Variants in DNTT observed in about 807,000 individuals in gnomAD.
DNTT encodes the protein nucleosidetriphosphate:DNA deoxynucleotidylexotransferase.
A neutral mutation model predicts 60.9 loss-of-function variants in DNTT; 47 were observed. The ratio of observed to expected loss-of-function variants is 0.77; its 90% CI spans 0.61 to 0.98. DNTT has a LOEUF of 0.98. Ranked by LOEUF, DNTT falls within the 50% of genes least tolerant of loss-of-function variation. The pLI is 0.00. For synonymous variants in DNTT, 224 were observed against 221.2 expected, an observed-to-expected ratio of 1.01 and a Z score of -0.11; for missense variants, 665 against 627.5, an observed-to-expected ratio of 1.06 and a Z score of -0.64.
At chr10:96,304,920 A>C (rs1274587716) in intron 1 of DNTT, among the ~76,000 whole-genome samples, 1 of 152,192 alleles carries the variant, frequency 6.6e-6, no homozygotes, top group Non-Finnish European at 1.5e-5. Flanking sequence ...AAGATGAGAT[A>C]AATTTTTTGT....
chr10:96,318,442 A>T lies in DNTT; in HGVS notation c.294A>T (p.Gln98His), dbSNP rs1465370594. ...CACAGAAAGTACAAGTCAGCTCACA[A>T]CCAGAGCTCCTCGATGTCTCCTGGC... ...LQAQKVQVSS[Q>H]PELLDVSWLI... The change falls in exon 2 of 11, where the codon CAA (glutamine) becomes CAT (histidine). Residue 98 changes from glutamine (Q) to histidine (H), a missense_variant. Coordinates refer to ENST00000371174, the MANE Select transcript of DNTT (RefSeq NM_004088.4). 4 of 1,613,970 alleles carry T rather than the reference A, an allele frequency of 2.5e-6. No individual in the cohort carries two copies. Among genetic ancestry groups the T allele is most frequent in the Non-Finnish European group, 3.4e-6 (4 of 1,179,870 alleles).
chr10:96,310,510 C>T (rs548767654), intron 1 of DNTT, among the ~76,000 whole-genome samples: 2 of 152,230 alleles, frequency 1.3e-5, no homozygotes, highest in Admixed American at 1.3e-4. Flanking sequence ...TTCCCTACCA[C>T]CTTGAGTGCC....
intron 10 of DNTT, among the ~76,000 whole-genome samples, chr10:96,336,612 CA>C (rs1360587414): frequency 6.6e-6 from 1 of 152,076 alleles, no homozygotes; most frequent in Non-Finnish European, 1.5e-5. Flanking sequence ...TCAAGGACAC[CA>C]AAATAGGCTC....
intron 1 of DNTT, among the ~76,000 whole-genome samples, chr10:96,314,678 C>T (rs1844767238): frequency 6.6e-6 from 1 of 151,964 alleles, no homozygotes; most frequent in Admixed American, 6.6e-5. Flanking sequence ...TCCCAAAGTG[C>T]TGGGATTACA....
intron 1 of DNTT, among the ~76,000 whole-genome samples, chr10:96,308,620 A>G (rs1382404361): frequency 6.6e-6 from 1 of 152,240 alleles, no homozygotes; most frequent in Admixed American, 6.5e-5. Flanking sequence ...AGAGACCACC[A>G]AACAGGCATT....
At chr10:96,321,570 T>C (rs1381159520) in intron 4 of DNTT, among the ~76,000 whole-genome samples, 1 of 152,172 alleles carries the variant, frequency 6.6e-6, no homozygotes, top group Non-Finnish European at 1.5e-5. Flanking sequence ...TAATGGAAGC[T>C]GCTGATTACC....
intron 1 of DNTT, among the ~76,000 whole-genome samples, chr10:96,308,821 A>C (rs1844673887): frequency 6.6e-6 from 1 of 152,238 alleles, no homozygotes. Flanking sequence ...GGAGAATTAC[A>C]AAGAACCTTC....
chr10:96,338,251 A>G lies in DNTT; in HGVS notation c.*27A>G, dbSNP rs1198960982. The G allele has an allele frequency of 6.3e-7, 1 of 1,591,272 alleles. No homozygotes were observed. The highest frequency in any genetic ancestry group is 1.1e-5 in the South Asian group (1 of 87,244). On this transcript the variant is annotated 3_prime_UTR_variant, in exon 11 of 11. Transcript: ENST00000371174. ...AAAGTGTTGTCAACATTTTTTTCCT[A>G]TTCTTTTCAAGTTAAATAAATTATG... is the stretch of plus-strand genomic sequence containing the variant.
chr10:96,320,839 G>T lies in DNTT; in HGVS notation c.678+51G>T, dbSNP rs778733587. ...ACTTCCCAATAGGTAGGTGGGAACG[G>T]GGGAGAGAGGGATGTAGCTAACAGA... is the stretch of plus-strand genomic sequence containing the variant. On this transcript the variant is annotated intron_variant, in intron 4 of 10. Transcript: ENST00000371174. 4 of 1,599,526 alleles carry T rather than the reference G, an allele frequency of 2.5e-6. No homozygotes were observed. The East Asian group carries it at 6.7e-5, about 27-fold the overall frequency.
intron 8 of DNTT, among the ~76,000 whole-genome samples, chr10:96,329,851 G>A (rs1564874391): frequency 6.6e-6 from 1 of 152,136 alleles, no homozygotes; most frequent in Non-Finnish European, 1.5e-5. Context: ...AATTTGGACG[G>A]AGCCTTCCTG....
Position 96,318,536 on chromosome 10 carries a change from A to C in DNTT, c.378+10A>C. ...AAAACACCAGCTTGTTGTAAGTGTC[A>C]TGGGTGTGATTTTCACTGTTCTTTG... On this transcript the variant is annotated intron_variant, in intron 2 of 10. Coordinates refer to ENST00000371174, the MANE Select transcript of DNTT (RefSeq NM_004088.4). The C allele has an allele frequency of 6.2e-7, 1 of 1,611,864 alleles. No homozygotes were observed. Among genetic ancestry groups the C allele is most frequent in the Middle Eastern group, 1.7e-4 (1 of 6,048 alleles).
At chr10:96,329,701 C>A (rs911292732) in intron 8 of DNTT, among the ~76,000 whole-genome samples, 1 of 152,202 alleles carries the variant, frequency 6.6e-6, no homozygotes, top group Non-Finnish European at 1.5e-5. Flanking sequence ...CAGATCCAAA[C>A]TGACACGAGT....
Position 96,319,314 on chromosome 10 carries a change from C to T in DNTT, c.431C>T (p.Pro144Leu), listed in dbSNP as rs762908031. The T allele has an allele frequency of 1.4e-5, 22 of 1,613,762 alleles. No homozygotes were observed. The highest frequency in any genetic ancestry group is 2.2e-5 in the East Asian group (1 of 44,888). ...STNPGPPKTP[P>L]IAVQKISQYA... ...AACCCAGGCCCCCCGAAGACTCCACCAATTGCTGTACAAAAGATCTCCCAG... is the reference window on the plus strand; with the variant it reads ...AACCCAGGCCCCCCGAAGACTCCACTAATTGCTGTACAAAAGATCTCCCAG... The change falls in exon 3 of 11, where the codon CCA becomes CTA. Residue 144 changes from proline (P) to leucine (L), a missense_variant. Coordinates refer to ENST00000371174, the MANE Select transcript of DNTT (RefSeq NM_004088.4).
intron 5 of DNTT, among the ~76,000 whole-genome samples, chr10:96,323,206 T>C (rs1844901272): frequency 6.6e-6 from 1 of 152,022 alleles, no homozygotes; most frequent in Non-Finnish European, 1.5e-5. Flanking sequence ...GATTGAGACA[T>C]GAGAATCACT....
In DNTT at chr10:96,336,940, G is replaced by GAAAA. The variant is rs71034371; in HGVS notation, c.1443+981_1443+984dup. Among the ~76,000 whole-genome samples, 132 of 129,928 alleles carry GAAAA rather than the reference G, an allele frequency of 1.0e-3. 3 individuals carry two copies. The highest frequency in any genetic ancestry group is 4.2e-3 in the East Asian group (18 of 4,284). The allele number at this position is 129,928 out of a possible 152,430, so 85.2% of individuals were successfully genotyped here. A position where few individuals can be genotyped will look rare whatever the true frequency, so the allele number is the denominator to read the frequency against. ...GCAACAGAGTGAGACTCTGTGTCAG[G>GAAAA]AAAAAAAAAAAAAAAAAAGTAATGA... On this transcript the variant is annotated intron_variant, in intron 10 of 10. Transcript: ENST00000371174.
chr10:96,326,146 G>A (rs1001256838), intron 6 of DNTT, among the ~76,000 whole-genome samples: 2 of 151,284 alleles, frequency 1.3e-5, no homozygotes, highest in Non-Finnish European at 2.9e-5. Context: ...CTTTTGGATC[G>A]TGTATATCAC....
chr10:96,327,318 TGGACTATTCTGTCTCTGTG>T, intron 6 of DNTT, 131 bp from the exon 7 acceptor site: 1 of 1,172,930 alleles, frequency 8.5e-7, no homozygotes, highest in Non-Finnish European at 1.3e-6. Context: ...GAGAACCACA[TGGACTATTCTGTCTCTGTG>T]GGAATGGAGT....
rs866835752 is a variant in DNTT at position 96,306,091 on chromosome 10, G to A, written c.203+1391G>A. Among the ~76,000 whole-genome samples, 847 of 138,040 alleles carry A rather than the reference G, an allele frequency of 6.1e-3. 6 individuals carry two copies. Among genetic ancestry groups the A allele is most frequent in the African/African-American group, 0.022 (760 of 34,296 alleles). The allele number at this position is 138,040 out of a possible 152,430, so 90.6% of individuals were successfully genotyped here. ...TATAGGTAAAGAAGCCAAAAAAATAGATTTTTTTTTTTTTTTTTTTGAGAC... is the reference window on the plus strand; with the variant it reads ...TATAGGTAAAGAAGCCAAAAAAATAAATTTTTTTTTTTTTTTTTTTGAGAC... On this transcript the variant is annotated intron_variant, in intron 1 of 10. Coordinates refer to ENST00000371174, the MANE Select transcript of DNTT (RefSeq NM_004088.4).
chr10:96,311,689 G>A (rs1589369378), intron 1 of DNTT, among the ~76,000 whole-genome samples: 1 of 152,204 alleles, frequency 6.6e-6, no homozygotes, highest in South Asian at 2.1e-4. Flanking sequence ...TATCACCCAG[G>A]CTGGAGTGCA....
Sources: gnomAD v4.1 joint callset for allele counts (sites outside exome capture counted in the v4.1 genomes callset) on GRCh38, gnomAD v4.1.1 for gene constraint, MANE v1.5 for transcripts, NCBI Gene and HGNC (gene_info 2026-07-23, HGNC 2026-07-21) for gene names.